The following SCN3B variants were observed in gnomAD, a reference collection of about 807,000 sequenced individuals.
The protein encoded by SCN3B is sodium voltage-gated channel beta subunit 3, also known as sodium channel regulatory subunit beta-3.
SCN3B carries 11 observed loss-of-function variants against 25.4 expected under a neutral mutation model. The ratio of observed to expected loss-of-function variants is 0.43; its 90% confidence interval spans 0.27 to 0.72. SCN3B has a LOEUF of 0.72. Ranked by LOEUF, SCN3B falls within the 30% of genes least tolerant of loss-of-function variation. The pLI, the probability that SCN3B is intolerant of heterozygous loss-of-function variation, is 0.18. For missense variants in SCN3B, 218 were observed against 278.3 expected (o/e 0.78, Z 1.54); for synonymous variants, 109 against 110.7 (o/e 0.99, Z 0.09).
intron 4 of SCN3B, chr11:123,638,719 T>C: frequency 3.2e-6 from 1 of 313,162 alleles, no homozygotes; most frequent in Non-Finnish European, 6.2e-6. Flanking sequence ...TTACATTATC[T>C]AATGTATTTC....
chr11:123,644,686 G>A (rs146730594), intron 3 of SCN3B, among the ~76,000 whole-genome samples: 28 of 151,012 alleles, frequency 1.9e-4, no homozygotes, highest in African/African-American at 6.3e-4. Context: ...TGGGAGAATC[G>A]CTTGAATCTG....
intron 5 of SCN3B, 113 bp downstream of exon 5, chr11:123,638,073 A>G (rs1331748870): frequency 1.1e-5 from 14 of 1,250,664 alleles, no homozygotes; most frequent in Non-Finnish European, 1.6e-5. Flanking sequence ...TCTCTTAAGC[A>G]GTGATCATGA....
At chr11:123,635,519 C>A (rs1375522008) in intron 5 of SCN3B, among the ~76,000 whole-genome samples, 1 of 151,930 alleles carries the variant, frequency 6.6e-6, no homozygotes, top group Non-Finnish European at 1.5e-5. Context: ...CCCGTCTCTA[C>A]TAAAAAAATA....
Position 123,638,186 on chromosome 11 carries a change from G to T in SCN3B, c.584C>A (p.Ala195Glu), listed in dbSNP as rs767843514. The change falls in exon 5 of 7, where the codon GCG (alanine) becomes GAG (glutamate). Residue 195 changes from alanine to glutamate, a missense_variant and splice_region_variant. By Grantham distance (107) the Ala-to-Glu change is moderately radical. Coordinates refer to ENST00000299333, the MANE Select transcript of SCN3B (RefSeq NM_001040151.2). ...SKAEEAAQENASDYLAIPSEN... is the reference protein window; with the variant it reads ...SKAEEAAQENESDYLAIPSEN... ...ATTACTTTGGCATCTCTGGACTTAC[G>T]CGTTTTCTTGGGCTGCCTCTTCGGC... 2.5e-6 allele frequency: 4 copies of T among 1,614,016 alleles called. No individual in the cohort carries two copies. Among genetic ancestry groups the T allele is most frequent in the Non-Finnish European group, 3.4e-6 (4 of 1,180,008 alleles).
intron 5 of SCN3B, among the ~76,000 whole-genome samples, chr11:123,634,646 G>C (rs1053212458): frequency 2.6e-5 from 4 of 152,210 alleles, no homozygotes; most frequent in Non-Finnish European, 5.9e-5. Context: ...GGAGGCTGAG[G>C]TGGGAGGATC....
At chr11:123,645,286 T>C (rs1955841484) in intron 3 of SCN3B, among the ~76,000 whole-genome samples, 1 of 152,164 alleles carries the variant, frequency 6.6e-6, no homozygotes, top group African/African-American at 2.4e-5. Context: ...GAAGATTAGA[T>C]GAAAACACCT....
chr11:123,642,435 C>T lies in SCN3B; in HGVS notation c.445+11G>A, dbSNP rs1324235140. On this transcript the variant is annotated intron_variant, in intron 4 of 6. Transcript: ENST00000299333. The surrounding 1 kb of genome is among the most constrained non-coding windows in gnomAD (Gnocchi z 4.3). ...GCAGGACGCCCTAGAGACCCTGTGCCTCAGCCTCACCCTCCTCGGTGACTC... is the reference window on the plus strand; with the variant it reads ...GCAGGACGCCCTAGAGACCCTGTGCTTCAGCCTCACCCTCCTCGGTGACTC... 1.2e-6 allele frequency: 2 copies of T among 1,613,954 alleles called. No homozygotes were observed. Among genetic ancestry groups the T allele is most frequent in the Admixed American group, 3.3e-5 (2 of 60,022 alleles).
chr11:123,651,058 ATTAATTTTT>A (rs1955919397), intron 2 of SCN3B, among the ~76,000 whole-genome samples: 1 of 151,842 alleles, frequency 6.6e-6, no homozygotes, highest in Non-Finnish European at 1.5e-5. Context: ...CATCGTCTGT[ATTAATTTTT>A]TTAATACAAT....
At position 123,632,000 on chromosome 11, in the gene SCN3B, CCA is replaced by C. The variant is rs745637689; in HGVS notation, c.*1797_*1798del. ...TGAGGGACCTCTCTCTCGCTGAATC[CCA>C]GTCACCTTCATCTTCTTACATTCCA... On this transcript the variant is annotated 3_prime_UTR_variant, in exon 7 of 7. Coordinates refer to ENST00000299333, the MANE Select transcript of SCN3B (RefSeq NM_001040151.2). 1.3e-5 allele frequency: 2 copies of C among 152,082 alleles called. No individual in the cohort carries two copies. Among genetic ancestry groups the C allele is most frequent in the Non-Finnish European group, 2.9e-5 (2 of 68,024 alleles). 9.4% of individuals were successfully genotyped at this position (152,082 alleles called of 1,614,324 possible).
At position 123,630,712 on chromosome 11, in the gene SCN3B, G is replaced by A. The variant is rs1296563015; in HGVS notation, c.*3087C>T. The A allele has an allele frequency of 6.6e-6, 1 of 152,176 alleles. No individual in the cohort carries two copies. 9.4% of individuals were successfully genotyped at this position (152,176 alleles called of 1,614,324 possible). ...ATGATGTACAAACCAACTAGAAAGA[G>A]AACCAAAATAGGACTGACTCTCAAA... On this transcript the variant is annotated 3_prime_UTR_variant, in exon 7 of 7. Transcript: ENST00000299333.
chr11:123,654,070 C>T, intron 1 of SCN3B, 156 bp downstream of exon 1: 1 of 561,596 alleles, frequency 1.8e-6, no homozygotes, highest in Non-Finnish European at 3.2e-6. Flanking sequence ...CGCCGGCGCT[C>T]AGCACCACGG....
chr11:123,653,645 G>T, intron 2 of SCN3B, 102 bp downstream of exon 2: 1 of 1,376,596 alleles, frequency 7.3e-7, no homozygotes, highest in Non-Finnish European at 1.0e-6. Context: ...ACAGAGGCAA[G>T]CCAGCCAGAG....
intron 2 of SCN3B, among the ~76,000 whole-genome samples, chr11:123,649,589 T>C (rs1955896304): frequency 6.6e-6 from 1 of 152,114 alleles, no homozygotes; most frequent in South Asian, 2.1e-4. Flanking sequence ...CACCACTGTC[T>C]TTCTTTCTTT....
At chr11:123,637,698 T>C (rs1489704633) in intron 5 of SCN3B, among the ~76,000 whole-genome samples, 3 of 152,004 alleles carry the variant, frequency 2.0e-5, no homozygotes, top group Non-Finnish European at 4.4e-5. Flanking sequence ...CCAGCTAATT[T>C]TTTATACTTT....
At chr11:123,650,681 G>A (rs776701292) in intron 2 of SCN3B, among the ~76,000 whole-genome samples, 22 of 152,188 alleles carry the variant, frequency 1.4e-4, no homozygotes, top group Non-Finnish European at 2.6e-4. Context: ...CCCTCCTGGC[G>A]ATTGTGCATA....
At chr11:123,653,976 G>T in intron 1 of SCN3B, 150 bp from the exon 2 acceptor site, 1 of 715,532 alleles carries the variant, frequency 1.4e-6, no homozygotes. Flanking sequence ...AGCTTTTGGA[G>T]CCGGGTGGGG....
chr11:123,645,603 C>T lies in SCN3B; in HGVS notation c.203G>A (p.Gly68Asp), dbSNP rs1955845320. The T allele has an allele frequency of 7.4e-6, 12 of 1,614,178 alleles. No homozygotes were observed. The highest frequency in any genetic ancestry group is 9.3e-6 in the Non-Finnish European group (11 of 1,180,028). ...CTAACATACAAGGAAATCTTTACCG[C>T]CCTCGGGCCTGTAGAACCATTCCAC... ...TVVEWFYRPE[G>D]GKDFLIYEYR... The change falls in exon 3 of 7, where the codon GGC (glycine) becomes GAC (aspartate). Residue 68 changes from glycine to aspartate, a missense_variant. Coordinates refer to ENST00000299333, the MANE Select transcript of SCN3B (RefSeq NM_001040151.2).
chr11:123,642,808 A>T lies in SCN3B; in HGVS notation c.220-137T>A. 1.4e-6 allele frequency: 1 copy of T among 728,914 alleles called. No homozygotes were observed. The highest frequency in any genetic ancestry group is 2.0e-5 in the Admixed American group (1 of 49,864). The allele number at this position is 728,914 out of a possible 1,614,324, so 45.2% of individuals were successfully genotyped here. The stretch of plus-strand genomic sequence containing the variant: ...AGAGAGGGGACAATGCCACCGGGAG[A>T]CCCAGAATGTGGGGGTGGGATGAAG... On this transcript the variant is annotated intron_variant, in intron 3 of 6. Transcript: ENST00000299333. The surrounding 1 kb of genome is among the most constrained non-coding windows in gnomAD (Gnocchi z 4.3).
intron 2 of SCN3B, among the ~76,000 whole-genome samples, chr11:123,652,913 T>G (rs1225348124): frequency 1.3e-5 from 2 of 152,112 alleles, no homozygotes; most frequent in Non-Finnish European, 2.9e-5. Flanking sequence ...CAATCAGACA[T>G]TATCACATAG....
Sources: allele counts gnomAD v4.1 joint callset (sites outside exome capture counted in the v4.1 genomes callset), GRCh38; gene constraint gnomAD v4.1.1; non-coding constraint Gnocchi (gnomAD v3.1); transcripts MANE v1.5; gene names NCBI Gene and HGNC (gene_info 2026-07-23, HGNC 2026-07-21).